CNEP1R1: variants seen among roughly 807,000 people sequenced by gnomAD.
The protein encoded by CNEP1R1 is nuclear envelope phosphatase-regulatory subunit 1.
A neutral mutation model predicts 22.7 loss-of-function variants in CNEP1R1; 10 were observed. That is an observed-to-expected ratio of 0.44 (90% CI 0.27 to 0.75). The LOEUF is 0.75. CNEP1R1 is among the 30% of genes least tolerant of loss of function. The pLI is 0.17. For synonymous variants in CNEP1R1, 53 were observed against 50.1 expected, an observed-to-expected ratio of 1.06 and a Z score of -0.25; for missense variants, 73 against 151.5, an observed-to-expected ratio of 0.48 and a Z score of 2.72.
intron 5 of CNEP1R1, chr16:50,034,447 A>T (rs900558549): frequency 2.6e-6 from 1 of 383,410 alleles, no homozygotes; most frequent in African/African-American, 2.1e-5. Flanking sequence ...TCAGTGAAGT[A>T]CAGTGGTTGT....
chr16:50,028,252 C>T (rs190832404), intron 2 of CNEP1R1, among the ~76,000 whole-genome samples: 2 of 152,316 alleles, frequency 1.3e-5, no homozygotes, highest in Admixed American at 6.5e-5. Flanking sequence ...TGAGCCACCA[C>T]GCTGGGCCAA....
Position 50,029,748 on chromosome 16 carries a change from TGTAC to T in CNEP1R1, c.122_125del (p.Cys41Ter). The T allele has an allele frequency of 6.2e-7, 1 of 1,610,530 alleles. No individual in the cohort carries two copies. Among genetic ancestry groups the T allele is most frequent in the Non-Finnish European group, 8.5e-7 (1 of 1,177,284 alleles). The stretch of plus-strand genomic sequence containing the variant: ...AGTGCTTCTTATAGTGGTATCTGTC[TGTAC>T]AGCTACTGGTGCCTGGAACTGGTTA... On this transcript the variant is annotated frameshift_variant, in exon 3 of 6. Coordinates refer to ENST00000427478, the MANE Select transcript of CNEP1R1 (RefSeq NM_001281789.2). LOFTEE classifies it high-confidence loss of function.
chr16:50,026,701 G>T, intron 2 of CNEP1R1: 1 of 471,398 alleles, frequency 2.1e-6, no homozygotes. Context: ...TTGGCCAGGC[G>T]CCGTAGCTCA....
In CNEP1R1 at chr16:50,025,275, T is replaced by C. The variant is rs1289719335; in HGVS notation, c.-41T>C. 2 of 1,391,464 alleles carry C rather than the reference T, an allele frequency of 1.4e-6. No individual in the cohort carries two copies. Among genetic ancestry groups the C allele is most frequent in the South Asian group, 1.6e-5 (1 of 60,730 alleles). The allele number at this position is 1,391,464 out of a possible 1,614,324, so 86.2% of individuals were successfully genotyped here. A position where few individuals can be genotyped will look rare whatever the true frequency, so the allele number is the denominator to read the frequency against. ...CGGGCGGGGGCCGCGGAAGCTGCGATGCGGACAGGGCAGCGGCGGTGACCC... is the reference window on the plus strand; with the variant it reads ...CGGGCGGGGGCCGCGGAAGCTGCGACGCGGACAGGGCAGCGGCGGTGACCC... On this transcript the variant is annotated 5_prime_UTR_variant, in exon 1 of 6. The change abolishes an upstream ATG in the 5' untranslated region. Coordinates refer to ENST00000427478, the MANE Select transcript of CNEP1R1 (RefSeq NM_001281789.2).
At chr16:50,026,329 A>G in intron 1 of CNEP1R1, 67 bp from the exon 2 acceptor site, 1 of 1,133,746 alleles carries the variant, frequency 8.8e-7, no homozygotes, top group African/African-American at 1.5e-5. Context: ...AATGTTAGGT[A>G]AATACTCTGA....
Position 50,034,282 on chromosome 16 carries a change from A to C in CNEP1R1, c.336+126A>C. ...TGGAATGAATAGTGAGAATATACTT[A>C]GAGCATTGATTCTAAGGTACTTTTA... On this transcript the variant is annotated intron_variant, in intron 5 of 5. Transcript: ENST00000427478. 13 of 652,532 alleles carry C rather than the reference A, an allele frequency of 2.0e-5. 1 individual carries two copies. In the South Asian group the frequency reaches 2.2e-4, roughly 11 times the overall value. 40.4% of individuals were successfully genotyped at this position (652,532 alleles called of 1,614,324 possible). A position where few individuals can be genotyped will look rare whatever the true frequency, so the allele number is the denominator to read the frequency against.
At chr16:50,028,107 G>C (rs968654980) in intron 2 of CNEP1R1, among the ~76,000 whole-genome samples, 2 of 152,154 alleles carry the variant, frequency 1.3e-5, no homozygotes, top group South Asian at 4.1e-4. Flanking sequence ...ACAGGTGCCC[G>C]CCACCACGGC....
Position 50,031,490 on chromosome 16 carries a change from A to C in CNEP1R1, c.171+1692A>C, listed in dbSNP as rs564936063. Among the ~76,000 whole-genome samples the C allele has an allele frequency of 6.6e-5, 10 of 152,302 alleles. No individual in the cohort carries two copies. The South Asian group carries it at 2.1e-3, about 32-fold the overall frequency. The stretch of plus-strand genomic sequence containing the variant: ...GGAAAGAGGCTGGCAAGAAGATTGA[A>C]AAAGATCCATCTTGGGAAATGAGTC... On this transcript the variant is annotated intron_variant, in intron 3 of 5. Transcript: ENST00000427478.
At chr16:50,025,561 G>T (rs1398587626) in intron 1 of CNEP1R1, 2 of 1,335,976 alleles carry the variant, frequency 1.5e-6, no homozygotes, top group Non-Finnish European at 1.1e-6. Flanking sequence ...CGACCTCCTC[G>T]CCAGCTTCTA....
intron 1 of CNEP1R1, chr16:50,025,760 C>A: frequency 7.0e-7 from 1 of 1,429,470 alleles, no homozygotes. Context: ...GAAAGGATAC[C>A]CCACCACTCA....
rs1273698430 is a variant in CNEP1R1 at position 50,025,273 on chromosome 16, G to C, written c.-43G>C. 1.4e-6 allele frequency: 2 copies of C among 1,391,906 alleles called. No individual in the cohort carries two copies. The highest frequency in any genetic ancestry group is 2.9e-5 in the East Asian group (1 of 34,218). 86.2% of individuals were successfully genotyped at this position (1,391,906 alleles called of 1,614,324 possible). On this transcript the variant is annotated 5_prime_UTR_variant, in exon 1 of 6. Transcript: ENST00000427478. ...GCCGGGCGGGGGCCGCGGAAGCTGC[G>C]ATGCGGACAGGGCAGCGGCGGTGAC...
At chr16:50,031,058 T>C (rs1490909118) in intron 3 of CNEP1R1, among the ~76,000 whole-genome samples, 1 of 152,178 alleles carries the variant, frequency 6.6e-6, no homozygotes, top group Non-Finnish European at 1.5e-5. Flanking sequence ...GTCTCCAATT[T>C]TTTAGTGAAG....
rs755022719 is a variant in CNEP1R1, at chr16:50,034,092, A to G, written c.282-10A>G. The G allele has an allele frequency of 3.1e-5, 49 of 1,587,094 alleles. No homozygotes were observed. The highest frequency in any genetic ancestry group is 4.5e-5 in the East Asian group (2 of 44,316). On this transcript the variant is annotated splice_polypyrimidine_tract_variant and intron_variant, in intron 4 of 5. Transcript: ENST00000427478. Reference sequence around the variant, plus strand: ...AAATGAGAAATTTTCCTTTGACCACATGTATTCAGTATAGCTGCTCGATGT... The same window carrying G: ...AAATGAGAAATTTTCCTTTGACCACGTGTATTCAGTATAGCTGCTCGATGT...
chr16:50,026,174 TATATG>T (rs1374439594), intron 1 of CNEP1R1: 1 of 461,176 alleles, frequency 2.2e-6, no homozygotes. Context: ...CAAGTTTTCT[TATATG>T]AGAAATTGGA....
rs2036284489 is a variant in CNEP1R1 at position 50,036,914 on chromosome 16, GTTCATCTTAGCT to G, written c.*1461_*1472del. On this transcript the variant is annotated 3_prime_UTR_variant, in exon 6 of 6. Transcript: ENST00000427478. Reference sequence around the variant, plus strand: ...CAAGGCTGCCATTTAACTTAAATGTGTTCATCTTAGCTTTCACTTGTATAAAATTTGATTCTT... The same window carrying G: ...CAAGGCTGCCATTTAACTTAAATGTGTTCACTTGTATAAAATTTGATTCTT... 1.3e-5 allele frequency: 2 copies of G among 152,602 alleles called. No homozygotes were observed. Among genetic ancestry groups the G allele is most frequent in the Admixed American group, 6.5e-5 (1 of 15,274 alleles). 9.5% of individuals were successfully genotyped at this position (152,602 alleles called of 1,614,324 possible).
chr16:50,032,730 C>A (rs1283915114), intron 3 of CNEP1R1, among the ~76,000 whole-genome samples: 1 of 152,110 alleles, frequency 6.6e-6, no homozygotes, highest in Admixed American at 6.5e-5. Context: ...GTAGGCTGAG[C>A]GTGGTGGTTC....
At chr16:50,025,403 A>G (rs9924833) in intron 1 of CNEP1R1, 63 bp downstream of exon 1, 1,250,735 of 1,399,832 alleles carry the variant, frequency 0.89, 559,422 homozygotes, top group East Asian at 1. Context: ...GCTCCGGAGG[A>G]GCCGGCGTCG....
At position 50,036,329 on chromosome 16, in the gene CNEP1R1, CG is replaced by C. The variant is rs199583170; in HGVS notation, c.*875del. On this transcript the variant is annotated 3_prime_UTR_variant, in exon 6 of 6. Coordinates refer to ENST00000427478, the MANE Select transcript of CNEP1R1 (RefSeq NM_001281789.2). ...AATTTTTTTGTATTTTTAGTAGAGA[CG>C]GGGTTTCACCACGTTGGCCAGGATG... 18,366 of 151,662 alleles carry C rather than the reference CG, an allele frequency of 0.12. 1,136 individuals carry two copies. The highest frequency in any genetic ancestry group is 0.16 in the African/African-American group (6,577 of 41,326). 9.4% of individuals were successfully genotyped at this position (151,662 alleles called of 1,614,324 possible). A position where few individuals can be genotyped will look rare whatever the true frequency, so the allele number is the denominator to read the frequency against.
intron 3 of CNEP1R1, 83 bp downstream of exon 3, chr16:50,029,881 A>G (rs1363116019): frequency 2.6e-6 from 2 of 777,002 alleles, no homozygotes; most frequent in East Asian, 5.1e-5. Flanking sequence ...AAAGTATTCA[A>G]ACACTACCTA....
Sources: gnomAD v4.1 joint callset for allele counts (sites outside exome capture counted in the v4.1 genomes callset) on GRCh38, gnomAD v4.1.1 for gene constraint, MANE v1.5 for transcripts, NCBI Gene and HGNC (gene_info 2026-07-23, HGNC 2026-07-21) for gene names.